The following ANKRD18A variants were observed in gnomAD, a reference collection of about 807,000 sequenced individuals.
ANKRD18A encodes the protein ankyrin repeat domain 18A.
A neutral mutation model predicts 110.6 loss-of-function variants in ANKRD18A; 72 were observed. That is an observed-to-expected ratio of 0.65 (90% confidence interval 0.54 to 0.79). ANKRD18A has a LOEUF of 0.79. Among genes scored for constraint, ANKRD18A ranks in the 30% least tolerant of loss-of-function variants. ANKRD18A has a pLI of 0.00. For synonymous variants in ANKRD18A, 305 were observed against 410.3 expected (o/e 0.74, Z 3.10); for missense variants, 934 against 1,163.3 (o/e 0.80, Z 2.87).
At chr9:38,592,051 T>C (rs1200263428) in intron 10 of ANKRD18A, among the ~76,000 whole-genome samples, 2 of 152,212 alleles carry the variant, frequency 1.3e-5, no homozygotes, top group Non-Finnish European at 2.9e-5. Context: ...TTTGGCTACA[T>C]AGTGAAGGAA....
intron 6 of ANKRD18A, among the ~76,000 whole-genome samples, chr9:38,607,077 GAT>G (rs1445508699): frequency 4.6e-5 from 7 of 152,094 alleles, no homozygotes; most frequent in African/African-American, 1.7e-4. Context: ...TTTCTTTGGA[GAT>G]AGAGTCTTGC....
At chr9:38,600,276 C>T (rs1271947941) in intron 8 of ANKRD18A, among the ~76,000 whole-genome samples, 1 of 152,028 alleles carries the variant, frequency 6.6e-6, no homozygotes, top group Non-Finnish European at 1.5e-5. Flanking sequence ...AGATTTTTAC[C>T]TCAGCATACC....
At position 38,596,544 on chromosome 9, in the gene ANKRD18A, G is replaced by T. The variant is rs1587516427; in HGVS notation, c.937-141C>A. On this transcript the variant is annotated intron_variant, in intron 8 of 15. Transcript: ENST00000399703. ...ATATCCAACTGGAGAAAAAGTTGAAGCAAAACCTTGAACCTTAGAGAACAT... is the reference window on the plus strand; with the variant it reads ...ATATCCAACTGGAGAAAAAGTTGAATCAAAACCTTGAACCTTAGAGAACAT... 4.0e-6 allele frequency: 3 copies of T among 740,906 alleles called. No homozygotes were observed. In the East Asian group the frequency reaches 9.4e-5, roughly 23 times the overall value. The allele number at this position is 740,906 out of a possible 1,614,324, so 45.9% of individuals were successfully genotyped here. A position where few individuals can be genotyped will look rare whatever the true frequency, so the allele number is the denominator to read the frequency against.
At chr9:38,605,795 G>A (rs1354855855) in intron 6 of ANKRD18A, among the ~76,000 whole-genome samples, 2 of 152,060 alleles carry the variant, frequency 1.3e-5, no homozygotes, top group African/African-American at 4.8e-5. Flanking sequence ...TGTACTTTTA[G>A]TAGAGATAGG....
At chr9:38,569,992 C>T (rs1587473866), downstream of ANKRD18A, among the ~76,000 whole-genome samples, 1 of 152,208 alleles carries the variant, frequency 6.6e-6, no homozygotes, top group Non-Finnish European at 1.5e-5. Flanking sequence ...GGTGCCCTGA[C>T]TCACCTTCCC....
At chr9:38,595,246 G>A (rs145841655) in intron 9 of ANKRD18A, among the ~76,000 whole-genome samples, 3,545 of 152,110 alleles carry the variant, frequency 0.023, 88 homozygotes, top group Non-Finnish European at 0.029. Context: ...CATCACTCCA[G>A]GACAATCCCT....
downstream of ANKRD18A, chr9:38,571,292 T>G: frequency 1.5e-6 from 2 of 1,329,636 alleles, no homozygotes; most frequent in Non-Finnish European, 1.9e-6. Flanking sequence ...CAAAAAGACA[T>G]AAAGTCAGCT....
intron 14 of ANKRD18A, among the ~76,000 whole-genome samples, 187 bp from the exon 15 acceptor site, chr9:38,575,885 G>C (rs1443836453): frequency 6.6e-6 from 1 of 152,200 alleles, no homozygotes; most frequent in Non-Finnish European, 1.5e-5. Flanking sequence ...TCCTAAATAA[G>C]TATATGTGTT....
At chr9:38,575,378 A>T (rs969666659) in intron 15 of ANKRD18A, 98 bp downstream of exon 15, 119 of 1,244,890 alleles carry the variant, frequency 9.6e-5, no homozygotes, top group Admixed American at 1.7e-4. Context: ...TCTTTACTTA[A>T]CATGCGTAAG....
At chr9:38,603,565 C>T (rs568944582) in intron 6 of ANKRD18A, among the ~76,000 whole-genome samples, 10 of 152,224 alleles carry the variant, frequency 6.6e-5, no homozygotes, top group East Asian at 3.9e-4. Context: ...CTACCTATGA[C>T]GGCTTTCACA....
At chr9:38,597,805 G>C (rs1213642984) in intron 8 of ANKRD18A, among the ~76,000 whole-genome samples, 1 of 152,076 alleles carries the variant, frequency 6.6e-6, no homozygotes, top group Non-Finnish European at 1.5e-5. Flanking sequence ...CTACTATAGA[G>C]TCAAATGCTA....
chr9:38,612,521 C>CTTTTTTTTTTT (rs767816627), intron 3 of ANKRD18A, among the ~76,000 whole-genome samples: 7 of 124,286 alleles, frequency 5.6e-5, no homozygotes, highest in African/African-American at 1.3e-4. Context: ...TTTTCTTTTT[C>CTTTTTTTTTTT]TTTTTTTTTT....
intron 3 of ANKRD18A, 132 bp downstream of exon 3, chr9:38,615,462 A>G (rs1563979030): frequency 7.8e-7 from 1 of 1,289,526 alleles, no homozygotes; most frequent in African/African-American, 1.5e-5. Context: ...TCAATATTTA[A>G]AGTAAAATTT....
chr9:38,593,626 AG>A (rs1035649569), intron 10 of ANKRD18A, 133 bp downstream of exon 10: 1 of 968,350 alleles, frequency 1.0e-6, no homozygotes, highest in African/African-American at 1.7e-5. Context: ...TACGTTATAA[AG>A]ATAATAAAAT....
chr9:38,577,324 G>A, intron 13 of ANKRD18A, 60 bp from the exon 14 acceptor site: 1 of 1,466,412 alleles, frequency 6.8e-7, no homozygotes, highest in Non-Finnish European at 9.1e-7. Context: ...CCATAGGTTT[G>A]TTGCCTTTCA....
Position 38,620,322 on chromosome 9 carries a change from A to G in ANKRD18A, c.-37T>C, listed in dbSNP as rs1826037765. 6.5e-7 allele frequency: 1 copy of G among 1,533,172 alleles called. No individual in the cohort carries two copies. 95.0% of individuals were successfully genotyped at this position (1,533,172 alleles called of 1,614,324 possible). ...CTCAGACGCCCACCACCCGCTCCTGAGCCGCGGCGGCTCCTCGTGGCCTTT... is the reference window on the plus strand; with the variant it reads ...CTCAGACGCCCACCACCCGCTCCTGGGCCGCGGCGGCTCCTCGTGGCCTTT... On this transcript the variant is annotated 5_prime_UTR_variant, in exon 1 of 16. Transcript: ENST00000399703.
intron 12 of ANKRD18A, among the ~76,000 whole-genome samples, chr9:38,580,490 G>T (rs1824112219): frequency 6.6e-6 from 1 of 152,196 alleles, no homozygotes; most frequent in African/African-American, 2.4e-5. Flanking sequence ...CAGAATTACA[G>T]TTAGATAAGA....
chr9:38,615,475 G>T, intron 3 of ANKRD18A, 119 bp downstream of exon 3: 2 of 1,355,186 alleles, frequency 1.5e-6, no homozygotes, highest in Non-Finnish European at 2.0e-6. Flanking sequence ...TAAAATTTTA[G>T]ACAATTATTT....
At chr9:38,567,190 G>C (rs964745126), downstream of ANKRD18A, 4 of 152,164 alleles carry the variant, frequency 2.6e-5, no homozygotes, top group African/African-American at 9.6e-5. Context: ...GCATGGTTTA[G>C]GTCATGTTTG....
Sources: allele counts gnomAD v4.1 joint callset (sites outside exome capture counted in the v4.1 genomes callset), GRCh38; gene constraint gnomAD v4.1.1; transcripts MANE v1.5; gene names NCBI Gene and HGNC (gene_info 2026-07-23, HGNC 2026-07-21).